THUMPD3: variants seen among roughly 807,000 people sequenced by gnomAD.
THUMPD3 encodes the protein THUMP domain 3 tRNA guanosine methyltransferase.
In THUMPD3, 44 loss-of-function variants were observed where a neutral mutation model predicts 54.5. The ratio of observed to expected loss-of-function variants is 0.81; its 90% confidence interval spans 0.63 to 1.04. The LOEUF (loss-of-function observed/expected upper bound fraction) is 1.04. THUMPD3 is among the 50% of genes least tolerant of loss of function. The pLI is 0.00. For missense variants in THUMPD3, 604 were observed against 601.3 expected, an observed-to-expected ratio of 1.00 and a Z score of -0.05; for synonymous variants, 196 against 201.4, an observed-to-expected ratio of 0.97 and a Z score of 0.23.
intron 3 of THUMPD3, among the ~76,000 whole-genome samples, chr3:9,368,278 C>A (rs150166926): frequency 0.032 from 4,851 of 151,738 alleles, 291 homozygotes; most frequent in African/African-American, 0.11. Flanking sequence ...AAGTGATCCT[C>A]CCACTTAAGC....
intron 8 of THUMPD3, 70 bp downstream of exon 8, chr3:9,383,379 G>GA (rs1454089664): frequency 2.4e-6 from 3 of 1,242,616 alleles, no homozygotes; most frequent in South Asian, 1.2e-5. Context: ...TCTAAGTCAG[G>GA]AAAAAAATCT....
intron 4 of THUMPD3, among the ~76,000 whole-genome samples, chr3:9,372,152 G>A (rs1411968343): frequency 6.6e-6 from 1 of 152,174 alleles, no homozygotes; most frequent in African/African-American, 2.4e-5. Context: ...GATTATAGCT[G>A]CACCTGGCCT....
In THUMPD3 at chr3:9,367,364, G is replaced by A. The variant is rs116768724; in HGVS notation, c.330+379G>A. Reference sequence around the variant, plus strand: ...AACACTTCCTCACCATCCTGCTTTTGCTCTGCTTTCTTCTCTTTCTTCATT... The same window carrying A: ...AACACTTCCTCACCATCCTGCTTTTACTCTGCTTTCTTCTCTTTCTTCATT... On this transcript the variant is annotated intron_variant, in intron 3 of 9. Transcript: ENST00000452837. 9.4e-3 allele frequency among the ~76,000 whole-genome samples: 1,429 copies of A among 152,256 alleles called. 6 individuals are homozygous for A. The highest frequency in any genetic ancestry group is 0.016 in the Non-Finnish European group (1,075 of 68,026).
In THUMPD3 at chr3:9,379,323, C is replaced by T. The variant is rs61525194; in HGVS notation, c.1009-1180C>T. ...AAAATTCTGGGATACTTCAACTTCC[C>T]TTTTGTTTGATGTCATCGTAGGATT... On this transcript the variant is annotated intron_variant, in intron 6 of 9. Coordinates refer to ENST00000452837, the MANE Select transcript of THUMPD3 (RefSeq NM_001114092.2). Among the ~76,000 whole-genome samples, 1,218 of 152,192 alleles carry T rather than the reference C, an allele frequency of 8.0e-3. 20 individuals carry two copies. Among genetic ancestry groups the T allele is most frequent in the African/African-American group, 0.027 (1,117 of 41,510 alleles).
At chr3:9,374,472 T>G in intron 4 of THUMPD3, 44 bp from the exon 5 acceptor site, 1 of 1,604,418 alleles carries the variant, frequency 6.2e-7, no homozygotes, top group Middle Eastern at 1.7e-4. Context: ...AAGCGCAGTT[T>G]GAACAATCCT....
At chr3:9,367,220 T>C (rs1204919467) in intron 3 of THUMPD3, among the ~76,000 whole-genome samples, 1 of 152,244 alleles carries the variant, frequency 6.6e-6, no homozygotes, top group African/African-American at 2.4e-5. Context: ...CACCTTGTTT[T>C]ACTTGTAAGA....
chr3:9,367,052 C>T (rs2031624280), intron 3 of THUMPD3, 67 bp downstream of exon 3: 1 of 1,293,230 alleles, frequency 7.7e-7, no homozygotes, highest in African/African-American at 1.5e-5. Flanking sequence ...TTCCATTTTT[C>T]ATAGTCTGTG....
At chr3:9,382,998 A>T (rs1261502637) in intron 7 of THUMPD3, 1 of 454,394 alleles carries the variant, frequency 2.2e-6, no homozygotes, top group East Asian at 3.6e-5. Flanking sequence ...GAAAGTGCTG[A>T]TTATAGGCAC....
chr3:9,373,992 A>G (rs1393784625), intron 4 of THUMPD3, among the ~76,000 whole-genome samples: 1 of 152,258 alleles, frequency 6.6e-6, no homozygotes, highest in Non-Finnish European at 1.5e-5. Flanking sequence ...TTACTTATAT[A>G]CACGATGTGT....
intron 5 of THUMPD3, among the ~76,000 whole-genome samples, chr3:9,377,420 C>T (rs2032546372): frequency 6.6e-6 from 1 of 152,070 alleles, no homozygotes; most frequent in South Asian, 2.1e-4. Flanking sequence ...CTCTGTCACC[C>T]AGGCTGCATC....
chr3:9,383,119 GTC>G (rs1197588168), intron 7 of THUMPD3, 78 bp from the exon 8 acceptor site: 8 of 887,312 alleles, frequency 9.0e-6, no homozygotes, highest in Admixed American at 5.7e-5. Context: ...TGCTGTAGCA[GTC>G]TCTCTTCAGA....
intron 4 of THUMPD3, among the ~76,000 whole-genome samples, chr3:9,371,939 C>T (rs1449173937): frequency 2.6e-5 from 4 of 152,284 alleles, no homozygotes; most frequent in Admixed American, 1.3e-4. Context: ...TGCAGTGGTA[C>T]GATCTCAGCT....
intron 3 of THUMPD3, among the ~76,000 whole-genome samples, chr3:9,370,114 T>C (rs1314577022): frequency 1.3e-5 from 2 of 152,250 alleles, no homozygotes; most frequent in African/African-American, 4.8e-5. Context: ...CTTTTAAATA[T>C]ACTTACATTT....
rs888079995 is a variant in THUMPD3 at position 9,365,696 on chromosome 3, A to G, written c.252+376A>G. Among the ~76,000 whole-genome samples, 4 of 151,956 alleles carry G rather than the reference A, an allele frequency of 2.6e-5. No individual in the cohort carries two copies. The South Asian group carries it at 6.2e-4, about 24-fold the overall frequency. On this transcript the variant is annotated intron_variant, in intron 2 of 9. Transcript: ENST00000452837. ...AACCTCCGCCTCCCAGGTTCAAGCAATTCTCCTGCCTCAGCCTCCCCAGTA... is the reference window on the plus strand; with the variant it reads ...AACCTCCGCCTCCCAGGTTCAAGCAGTTCTCCTGCCTCAGCCTCCCCAGTA...
At position 9,384,798 on chromosome 3, in the gene THUMPD3, T is replaced by C; in HGVS notation, c.*110T>C. ...GCAGTCTGCACTCTTTAAACCTGTT[T>C]AAGGCTCTTCATCCTGGTTAGCAAA... On this transcript the variant is annotated 3_prime_UTR_variant, in exon 10 of 10. Coordinates refer to ENST00000452837, the MANE Select transcript of THUMPD3 (RefSeq NM_001114092.2). The C allele has an allele frequency of 7.9e-7, 1 of 1,267,150 alleles. No homozygotes were observed. 78.5% of individuals were successfully genotyped at this position (1,267,150 alleles called of 1,614,324 possible). A position where few individuals can be genotyped will look rare whatever the true frequency, so the allele number is the denominator to read the frequency against.
intron 2 of THUMPD3, 26 bp downstream of exon 2, chr3:9,365,346 A>G: frequency 6.2e-7 from 1 of 1,606,988 alleles, no homozygotes. Context: ...TATTTAAAAT[A>G]GTTTTCTAAG....
rs1235866132 is a variant in THUMPD3, at chr3:9,371,358, A to T, written c.629A>T (p.Asp210Val). The T allele has an allele frequency of 1.2e-6, 2 of 1,614,082 alleles. No homozygotes were observed. The highest frequency in any genetic ancestry group is 2.2e-5 in the South Asian group (2 of 91,092). The change falls in exon 4 of 10, where the codon GAT becomes GTT. Residue 210 changes from aspartate to valine, a missense_variant. Coordinates refer to ENST00000452837, the MANE Select transcript of THUMPD3 (RefSeq NM_001114092.2). ...LIGDDLASCK[D>V]ETDESSKEET... Reference sequence around the variant, plus strand: ...GGTGATGATTTGGCATCTTGCAAAGATGAGACTGATGAAAGCTCAAAAGAA... The same window carrying T: ...GGTGATGATTTGGCATCTTGCAAAGTTGAGACTGATGAAAGCTCAAAAGAA...
intron 5 of THUMPD3, among the ~76,000 whole-genome samples, chr3:9,377,106 A>T (rs1192555581): frequency 2.0e-5 from 3 of 152,146 alleles, no homozygotes; most frequent in Non-Finnish European, 1.5e-5. Context: ...CAGTAACCTT[A>T]TATTGATGCA....
Position 9,384,257 on chromosome 3 carries a change from A to G in THUMPD3, c.1281A>G (p.Leu427=), listed in dbSNP as rs766759721. ...KRNWNLYPAC[L]REMSRVCTPT... is the part of the protein sequence containing the mutation. ...ACTGGAACCTTTATCCAGCTTGCCTACGGGAGATGAGCCGTGTCTGCACAC... is the reference window on the plus strand; with the variant it reads ...ACTGGAACCTTTATCCAGCTTGCCTGCGGGAGATGAGCCGTGTCTGCACAC... Residue 427 remains leucine, a synonymous_variant, in exon 9 of 10, where the codon CTA becomes CTG. Coordinates refer to ENST00000452837, the MANE Select transcript of THUMPD3 (RefSeq NM_001114092.2). The G allele has an allele frequency of 1.2e-6, 2 of 1,614,202 alleles. No individual in the cohort carries two copies. The highest frequency in any genetic ancestry group is 2.2e-5 in the East Asian group (1 of 44,882).
Sources: allele counts gnomAD v4.1 joint callset (sites outside exome capture counted in the v4.1 genomes callset), GRCh38; gene constraint gnomAD v4.1.1; transcripts MANE v1.5; gene names NCBI Gene and HGNC (gene_info 2026-07-23, HGNC 2026-07-21).